RANBP17: variants seen among roughly 807,000 people sequenced by gnomAD.
RANBP17 encodes the protein ran-binding protein 17.
In RANBP17, 158 loss-of-function variants were observed where a neutral mutation model predicts 141.2. That is an observed-to-expected ratio of 1.12 (90% CI 0.98 to 1.28). The LOEUF (loss-of-function observed/expected upper bound fraction) is 1.28. Ranked by LOEUF, RANBP17 falls within the 50% of genes most tolerant of loss-of-function variation. The pLI, the probability that RANBP17 is intolerant of heterozygous loss-of-function variation, is 0.00. For synonymous variants in RANBP17, 430 were observed against 450.0 expected, an observed-to-expected ratio of 0.96 and a Z score of 0.56; for missense variants, 1,438 against 1,290.7, an observed-to-expected ratio of 1.11 and a Z score of -1.75.
At chr5:171,132,829 C>G (rs1227645958) in intron 14 of RANBP17, among the ~76,000 whole-genome samples, 1 of 152,026 alleles carries the variant, frequency 6.6e-6, no homozygotes, top group Non-Finnish European at 1.5e-5. Flanking sequence ...ATTTATTATT[C>G]CAGAAGAAAA....
In RANBP17 at chr5:171,090,240, A is replaced by T. The variant is rs568975851; in HGVS notation, c.1711-79890A>T. Among the ~76,000 whole-genome samples, 21 of 152,304 alleles carry T rather than the reference A, an allele frequency of 1.4e-4. No homozygotes were observed. In the East Asian group the frequency reaches 4.1e-3, roughly 29 times the overall value. On this transcript the variant is annotated intron_variant, in intron 14 of 27. Transcript: ENST00000523189. ...GAAATCCAGGCTGAGGTGGTCTCAG[A>T]TGGAGATGAGGAACTTGTTGGGAAC...
chr5:171,155,097 ATATATATATAT>A (rs1758793700), intron 14 of RANBP17, among the ~76,000 whole-genome samples: 1 of 100,486 alleles, frequency 1.0e-5, no homozygotes, highest in African/African-American at 3.6e-5. Context: ...AAAAAAAAAT[ATATATATATAT>A]ATATATATAT....
chr5:171,174,310 G>A (rs143077126), intron 16 of RANBP17, among the ~76,000 whole-genome samples: 2 of 152,086 alleles, frequency 1.3e-5, no homozygotes, highest in Non-Finnish European at 2.9e-5. Flanking sequence ...GAGCCAGCCC[G>A]CTGTGTTCAA....
chr5:171,217,803 G>GCT (rs1484063610), intron 21 of RANBP17, among the ~76,000 whole-genome samples: 1 of 151,856 alleles, frequency 6.6e-6, no homozygotes, highest in Non-Finnish European at 1.5e-5. Flanking sequence ...TATTAGTCTA[G>GCT]CTAGTGGTCC....
At chr5:171,117,829 T>TTG (rs1755747765) in intron 14 of RANBP17, among the ~76,000 whole-genome samples, 40 of 147,556 alleles carry the variant, frequency 2.7e-4, no homozygotes, top group African/African-American at 7.7e-4. Context: ...TATGTGGGGT[T>TTG]TTGTTGTTGT....
chr5:171,100,728 T>G (rs1311939235), intron 14 of RANBP17, among the ~76,000 whole-genome samples: 1 of 152,232 alleles, frequency 6.6e-6, no homozygotes, highest in Non-Finnish European at 1.5e-5. Context: ...GTTTCTCCTG[T>G]GGGCATTTAG....
intron 14 of RANBP17, among the ~76,000 whole-genome samples, chr5:171,116,955 G>C (rs914928450): frequency 2.0e-5 from 3 of 152,136 alleles, no homozygotes; most frequent in Non-Finnish European, 4.4e-5. Flanking sequence ...TTAACATAAT[G>C]CCTGCAGTTG....
Position 170,968,266 on chromosome 5 carries a change from G to A in RANBP17, c.1599G>A (p.Met533Ile). The A allele has an allele frequency of 6.3e-7, 1 of 1,590,370 alleles. No homozygotes were observed. Among genetic ancestry groups the A allele is most frequent in the Non-Finnish European group, 8.5e-7 (1 of 1,172,290 alleles). ...GAGTTTTTCAGCTTATATCTTTAATGGATACCGGATTGCCTCGATGTTGTA... is the reference window on the plus strand; with the variant it reads ...GAGTTTTTCAGCTTATATCTTTAATAGATACCGGATTGCCTCGATGTTGTA... ...SCRVFQLISL[M>I]DTGLPRCCNE... Residue 533 changes from methionine (M) to isoleucine (I), a missense_variant, in exon 14 of 28, where the codon ATG (methionine) becomes ATA (isoleucine). Physicochemically the swap from Met to Ile is conservative, Grantham distance 10 (BLOSUM62 1). Coordinates refer to ENST00000523189, the MANE Select transcript of RANBP17 (RefSeq NM_022897.5).
Position 170,953,710 on chromosome 5 carries a change from A to G in RANBP17, c.1574+8A>G, listed in dbSNP as rs767855361. 1 of 1,537,208 alleles carries G rather than the reference A, an allele frequency of 6.5e-7. No individual in the cohort carries two copies. The highest frequency in any genetic ancestry group is 1.1e-5 in the South Asian group (1 of 88,334). On this transcript the variant is annotated splice_region_variant and intron_variant, in intron 13 of 27. Transcript: ENST00000523189. ...TGGAGAATTATCCTGTCGGTAAGTA[A>G]GAGCTATGTAATTTACTGAAATTCA...
intron 22 of RANBP17, among the ~76,000 whole-genome samples, chr5:171,222,631 A>T (rs1763637600): frequency 6.6e-6 from 1 of 151,832 alleles, no homozygotes; most frequent in Non-Finnish European, 1.5e-5. Context: ...GTTGCCTGTT[A>T]TTCTTTTTTT....
intron 14 of RANBP17, among the ~76,000 whole-genome samples, chr5:171,081,553 A>G (rs529950869): frequency 5.9e-5 from 9 of 152,278 alleles, no homozygotes; most frequent in Admixed American, 3.3e-4. Flanking sequence ...CAGCTGTTTA[A>G]TTTGTACATA....
intron 14 of RANBP17, among the ~76,000 whole-genome samples, chr5:171,090,420 G>A (rs1049255734): frequency 3.3e-5 from 5 of 152,196 alleles, no homozygotes; most frequent in Non-Finnish European, 7.3e-5. Context: ...AGGTGACTTG[G>A]GTGCTGTTAA....
intron 5 of RANBP17, among the ~76,000 whole-genome samples, chr5:170,903,040 C>T (rs2127406518): frequency 6.6e-6 from 1 of 152,240 alleles, no homozygotes; most frequent in African/African-American, 2.4e-5. Context: ...CTGGGAGATC[C>T]CCTGCTCTCT....
intron 14 of RANBP17, among the ~76,000 whole-genome samples, chr5:170,986,127 A>G (rs1473824494): frequency 6.6e-6 from 1 of 152,090 alleles, no homozygotes; most frequent in Admixed American, 6.6e-5. Context: ...TTCATCTTTC[A>G]TTCTCAAAAA....
chr5:171,059,098 T>C (rs979514981), intron 14 of RANBP17, among the ~76,000 whole-genome samples: 1 of 151,860 alleles, frequency 6.6e-6, no homozygotes, highest in African/African-American at 2.4e-5. Context: ...GAAAATTTTC[T>C]CCCATTTTGT....
intron 3 of RANBP17, 34 bp downstream of exon 3, chr5:170,881,930 G>A (rs767182617): frequency 1.3e-5 from 18 of 1,391,764 alleles, no homozygotes; most frequent in East Asian, 4.6e-5. Flanking sequence ...AACCAACTGC[G>A]CTTTAAAAAT....
intron 24 of RANBP17, among the ~76,000 whole-genome samples, chr5:171,263,758 T>C (rs896042262): frequency 2.0e-5 from 3 of 152,166 alleles, no homozygotes; most frequent in African/African-American, 4.8e-5. Context: ...TGAGTGCCCA[T>C]TGTGATTCAA....
At chr5:171,294,358 G>C (rs1581198697) in intron 26 of RANBP17, among the ~76,000 whole-genome samples, 2 of 152,242 alleles carry the variant, frequency 1.3e-5, no homozygotes, top group African/African-American at 2.4e-5. Context: ...GCCCTAGGTG[G>C]TGACAGCAGC....
chr5:171,271,119 G>C, intron 25 of RANBP17: 1 of 23,424 alleles, frequency 4.3e-5, no homozygotes, highest in South Asian at 1.0e-3. Context: ...TTTTTTTTTT[G>C]CTAACATGGC....
Sources: gnomAD v4.1 joint callset for allele counts (sites outside exome capture counted in the v4.1 genomes callset) on GRCh38, gnomAD v4.1.1 for gene constraint, MANE v1.5 for transcripts, NCBI Gene and HGNC (gene_info 2026-07-23, HGNC 2026-07-21) for gene names.